TUSC3: variants seen among roughly 807,000 people sequenced by gnomAD.
TUSC3 encodes the protein tumor suppressor candidate 3, also known as dolichyl-diphosphooligosaccharide--protein glycosyltransferase subunit TUSC3.
Under a neutral mutation model 44.8 loss-of-function variants are expected in TUSC3, and 45 were observed. The ratio of observed to expected loss-of-function variants is 1.00; its 90% CI spans 0.79 to 1.29. The LOEUF (loss-of-function observed/expected upper bound fraction) is 1.29. TUSC3 is among the 50% of genes most tolerant of loss of function. The pLI is 0.00. For missense variants in TUSC3, 519 were observed against 437.9 expected (o/e 1.19, Z -1.65); for synonymous variants, 212 against 152.9 (o/e 1.39, Z -2.85).
the TUSC3 span, among the ~76,000 whole-genome samples, chr8:15,792,509 T>C: frequency 6.6e-6 from 1 of 152,210 alleles, no homozygotes; most frequent in Non-Finnish European, 1.5e-5. Context: ...AAGTCTCATA[T>C]GAAATTCATG....
chr8:15,772,849 GAGAA>G, the TUSC3 span, among the ~76,000 whole-genome samples: 48 of 152,176 alleles, frequency 3.2e-4, no homozygotes, highest in African/African-American at 1.1e-3. Context: ...TTCAACATAT[GAGAA>G]AGAAAATCAG....
At chr8:15,518,236 TA>T (rs1414277716) in intron 2 of TUSC3, among the ~76,000 whole-genome samples, 1 of 152,172 alleles carries the variant, frequency 6.6e-6, no homozygotes, top group African/African-American at 2.4e-5. Flanking sequence ...TGGTCAATAT[TA>T]CCTTTTCTCA....
intron 1 of TUSC3, among the ~76,000 whole-genome samples, chr8:15,450,369 T>C (rs994953170): frequency 6.6e-6 from 1 of 151,622 alleles, no homozygotes; most frequent in African/African-American, 2.4e-5. Context: ...GGGCTGACTT[T>C]TCCCACTCAA....
chr8:15,848,908 C>G, the TUSC3 span, among the ~76,000 whole-genome samples: 1 of 152,190 alleles, frequency 6.6e-6, no homozygotes, highest in East Asian at 1.9e-4. Flanking sequence ...ATCGCATAAA[C>G]TACCTTTGTA....
the TUSC3 span, among the ~76,000 whole-genome samples, chr8:15,804,489 TTGAGG>T: frequency 6.6e-6 from 1 of 152,236 alleles, no homozygotes; most frequent in Non-Finnish European, 1.5e-5. Flanking sequence ...TTCATTCATC[TTGAGG>T]TAAGTTTTGT....
chr8:15,747,271 T>C (rs939876937), intron 8 of TUSC3, among the ~76,000 whole-genome samples: 1 of 152,070 alleles, frequency 6.6e-6, no homozygotes, highest in Non-Finnish European at 1.5e-5. Context: ...TGATTTTCCT[T>C]ATTTTCTTCT....
intron 1 of TUSC3, among the ~76,000 whole-genome samples, chr8:15,477,406 T>A (rs1018238504): frequency 3.3e-5 from 5 of 152,194 alleles, no homozygotes; most frequent in African/African-American, 4.8e-5. Flanking sequence ...GATAATTGCC[T>A]CACTTTTCAC....
At chr8:15,557,959 A>G (rs1229394411) in intron 1 of TUSC3, among the ~76,000 whole-genome samples, 1 of 70,764 alleles carries the variant, frequency 1.4e-5, no homozygotes, top group East Asian at 5.6e-4. Flanking sequence ...AACAGGGACA[A>G]TTTGACTTCC....
chr8:15,495,076 A>G (rs2129126243), intron 2 of TUSC3, among the ~76,000 whole-genome samples: 1 of 152,336 alleles, frequency 6.6e-6, no homozygotes, highest in East Asian at 1.9e-4. Context: ...GCTGCAAAAT[A>G]CAGGATCTCA....
intron 5 of TUSC3, among the ~76,000 whole-genome samples, chr8:15,663,805 G>A (rs1291101488): frequency 6.6e-6 from 1 of 151,720 alleles, no homozygotes; most frequent in African/African-American, 2.4e-5. Context: ...TTTTTTCCAT[G>A]CTAGTTTTCA....
At chr8:15,449,764 G>C (rs1402667266) in intron 1 of TUSC3, among the ~76,000 whole-genome samples, 3 of 152,132 alleles carry the variant, frequency 2.0e-5, no homozygotes, top group African/African-American at 7.2e-5. Context: ...ACTGACTTAG[G>C]CAGAGCAGCT....
chr8:15,559,416 C>A (rs574164229), intron 1 of TUSC3, among the ~76,000 whole-genome samples: 1 of 148,444 alleles, frequency 6.7e-6, no homozygotes, highest in Non-Finnish European at 1.5e-5. Flanking sequence ...GAGAGCTTTA[C>A]TTCCAAGTAT....
chr8:15,748,934 C>A, intron 9 of TUSC3: 2 of 359,138 alleles, frequency 5.6e-6, no homozygotes, highest in Non-Finnish European at 1.1e-5. Context: ...CATTATAAAT[C>A]ATCATAACGA....
At chr8:15,810,187 G>C in the TUSC3 span, among the ~76,000 whole-genome samples, 9 of 152,246 alleles carry the variant, frequency 5.9e-5, no homozygotes, top group East Asian at 1.7e-3. Flanking sequence ...AACTGAATCA[G>C]AAATTTGGGG....
At chr8:15,517,934 A>C (rs1000234922) in intron 2 of TUSC3, among the ~76,000 whole-genome samples, 34 of 151,970 alleles carry the variant, frequency 2.2e-4, no homozygotes, top group African/African-American at 8.2e-4. Context: ...CTTTGGTACT[A>C]TCGCAACTAT....
chr8:15,651,161 T>C (rs1337263498), intron 3 of TUSC3: 2 of 290,924 alleles, frequency 6.9e-6, no homozygotes, highest in East Asian at 1.8e-4. Context: ...ATTTTAACTT[T>C]TGCAACATAG....
chr8:15,434,929 C>G (rs553300025), intron 1 of TUSC3, among the ~76,000 whole-genome samples: 11 of 151,276 alleles, frequency 7.3e-5, no homozygotes, highest in African/African-American at 2.7e-4. Context: ...TTAATCCAGT[C>G]TATCATTGTT....
rs1317186651 is a variant in TUSC3 at position 15,504,599 on chromosome 8, ATATATATATATATATATATATATTTTT to A, written n.189+21118_189+21144del. On this transcript the variant is annotated intron_variant and non_coding_transcript_variant, in intron 2 of 5. Transcript: ENST00000503191. ...TCAGGATATATATATATATATATAT[ATATATATATATATATATATATATTTTT>A]TTTTTTTTTTTTTTTTAAGTGGGTT... is the stretch of plus-strand genomic sequence containing the variant. 3.9e-4 allele frequency among the ~76,000 whole-genome samples: 14 copies of A among 35,914 alleles called. 1 individual carries two copies. Among genetic ancestry groups the A allele is most frequent in the African/African-American group, 1.9e-3 (12 of 6,164 alleles). 23.6% of individuals were successfully genotyped at this position (35,914 alleles called of 152,430 possible). A position where few individuals can be genotyped will look rare whatever the true frequency, so the allele number is the denominator to read the frequency against.
chr8:15,619,586 G>C (rs533614075), intron 1 of TUSC3, among the ~76,000 whole-genome samples: 2 of 152,090 alleles, frequency 1.3e-5, no homozygotes, highest in South Asian at 4.1e-4. Context: ...CCACTTCCTG[G>C]GTTCACGCCA....
Sources: gnomAD v4.1 joint callset for allele counts (sites outside exome capture counted in the v4.1 genomes callset) on GRCh38, gnomAD v4.1.1 for gene constraint, MANE v1.5 for transcripts, NCBI Gene and HGNC (gene_info 2026-07-23, HGNC 2026-07-21) for gene names.